Variants in DCLK1 observed in about 807,000 individuals in gnomAD.
DCLK1 encodes the protein doublecortin like kinase 1.
In DCLK1, 16 loss-of-function variants were observed where a neutral mutation model predicts 86.2. The observed-to-expected ratio is 0.19, with a 90% CI of 0.13 to 0.28. The LOEUF is 0.28. DCLK1 is among the 10% of genes least tolerant of loss of function. DCLK1 has a pLI of 1.00. For synonymous variants in DCLK1, 369 were observed against 370.5 expected (o/e 1.00, Z 0.05); for missense variants, 590 against 940.2 (o/e 0.63, Z 4.87).
intron 3 of DCLK1, among the ~76,000 whole-genome samples, chr13:36,050,632 T>A (rs888094474): frequency 6.6e-6 from 1 of 152,196 alleles, no homozygotes; most frequent in African/African-American, 2.4e-5. Context: ...ATTCGTTTTT[T>A]AAATGTGCTT....
intron 4 of DCLK1, among the ~76,000 whole-genome samples, chr13:35,920,114 T>C (rs1207769765): frequency 6.6e-6 from 1 of 152,214 alleles, no homozygotes; most frequent in Non-Finnish European, 1.5e-5. Flanking sequence ...CACTATTATA[T>C]ACCAAATAAA....
intron 4 of DCLK1, among the ~76,000 whole-genome samples, chr13:35,908,424 C>A (rs1566597125): frequency 1.3e-5 from 2 of 152,192 alleles, no homozygotes; most frequent in Admixed American, 6.5e-5. Context: ...TATGCTAATT[C>A]TTAACTAGTT....
chr13:35,826,298 C>T (rs11147589), intron 10 of DCLK1, among the ~76,000 whole-genome samples: 97,503 of 149,070 alleles, frequency 0.65, 33,491 homozygotes, highest in Non-Finnish European at 0.75. Flanking sequence ...CCGAGGTGGG[C>T]GGATCACCTG....
At chr13:35,965,456 C>T (rs1422249566) in intron 3 of DCLK1, among the ~76,000 whole-genome samples, 1 of 152,172 alleles carries the variant, frequency 6.6e-6, no homozygotes, top group Non-Finnish European at 1.5e-5. Flanking sequence ...TAGTGCCATG[C>T]TCTTTGTTAG....
intron 3 of DCLK1, among the ~76,000 whole-genome samples, chr13:35,968,539 G>A (rs904350446): frequency 6.6e-6 from 1 of 152,148 alleles, no homozygotes; most frequent in Non-Finnish European, 1.5e-5. Context: ...ACGGCAGAAA[G>A]TCAAATTAGC....
intron 3 of DCLK1, among the ~76,000 whole-genome samples, chr13:36,045,326 GTGTGTGTATATATATATATATA>G (rs1358482305): frequency 7.7e-4 from 47 of 60,932 alleles, no homozygotes; most frequent in African/African-American, 2.1e-3. Flanking sequence ...ATATGTGTGT[GTGTGTGTATATATATATATATA>G]TATATATATA....
chr13:36,044,998 T>C (rs1882825522), intron 3 of DCLK1, among the ~76,000 whole-genome samples: 1 of 151,740 alleles, frequency 6.6e-6, no homozygotes, highest in African/African-American at 2.4e-5. Flanking sequence ...CAAATAAAAA[T>C]AAATATATAC....
At chr13:35,833,348 C>T (rs142390637) in intron 8 of DCLK1, among the ~76,000 whole-genome samples, 41 of 152,284 alleles carry the variant, frequency 2.7e-4, no homozygotes, top group African/African-American at 9.4e-4. Flanking sequence ...ACATCACGCC[C>T]TCTACTTATG....
intron 4 of DCLK1, among the ~76,000 whole-genome samples, chr13:35,877,324 A>G (rs1486820046): frequency 6.6e-6 from 1 of 152,244 alleles, no homozygotes; most frequent in East Asian, 1.9e-4. Flanking sequence ...TCCTCCCCCC[A>G]CTCAGAAACA....
chr13:35,974,637 G>A (rs1879241669), intron 3 of DCLK1, among the ~76,000 whole-genome samples: 1 of 152,150 alleles, frequency 6.6e-6, no homozygotes, highest in South Asian at 2.1e-4. Context: ...CATGTAAAGT[G>A]TACCTGCTTC....
At chr13:35,787,026 T>C (rs2153098657) in intron 16 of DCLK1, among the ~76,000 whole-genome samples, 1 of 151,674 alleles carries the variant, frequency 6.6e-6, no homozygotes, top group East Asian at 1.9e-4. Context: ...ATGTTTTGAG[T>C]GTCTGATTAT....
At chr13:35,999,857 C>T (rs61948276) in intron 3 of DCLK1, among the ~76,000 whole-genome samples, 54,906 of 152,096 alleles carry the variant, frequency 0.36, 11,056 homozygotes, top group Non-Finnish European at 0.44. Context: ...TAATCCTAGA[C>T]TGTTGCTTAC....
intron 3 of DCLK1, among the ~76,000 whole-genome samples, chr13:35,975,174 T>A (rs979585578): frequency 2.6e-5 from 4 of 152,116 alleles, no homozygotes; most frequent in Non-Finnish European, 5.9e-5. Flanking sequence ...GCTGCCTAGA[T>A]CCAGGAGCAG....
At chr13:35,860,752 G>C (rs1379618283) in intron 5 of DCLK1, among the ~76,000 whole-genome samples, 1 of 152,182 alleles carries the variant, frequency 6.6e-6, no homozygotes, top group African/African-American at 2.4e-5. Flanking sequence ...TTACAACTGA[G>C]CAAGGTGGTG....
chr13:36,051,029 T>G (rs1221198766), intron 3 of DCLK1, among the ~76,000 whole-genome samples: 1 of 152,180 alleles, frequency 6.6e-6, no homozygotes, highest in African/African-American at 2.4e-5. Context: ...CTACAGAGGC[T>G]AAAACACATT....
At position 36,118,733 on chromosome 13, in the gene DCLK1, G is replaced by A. The variant is rs552672644; in HGVS notation, c.377-6518C>T. ...TGATGTTAAGTTATGTGATGTCTTA[G>A]TCCTTTGGCTGCTATAACAAAAGAC... On this transcript the variant is annotated intron_variant, in intron 2 of 16. Transcript: ENST00000360631. 2.2e-4 allele frequency among the ~76,000 whole-genome samples: 33 copies of A among 152,288 alleles called. 1 individual carries two copies. The South Asian group carries it at 5.4e-3, about 25-fold the overall frequency.
At chr13:36,047,300 C>T (rs1462980171) in intron 3 of DCLK1, among the ~76,000 whole-genome samples, 3 of 152,070 alleles carry the variant, frequency 2.0e-5, no homozygotes, top group African/African-American at 7.2e-5. Context: ...AAGATGGAAC[C>T]ACCCTACTAT....
intron 3 of DCLK1, among the ~76,000 whole-genome samples, chr13:36,089,363 C>T (rs1188290101): frequency 6.6e-6 from 1 of 152,212 alleles, no homozygotes; most frequent in Non-Finnish European, 1.5e-5. Context: ...TGAACAGAAG[C>T]ACAGGCTTTC....
intron 15 of DCLK1, among the ~76,000 whole-genome samples, chr13:35,803,408 T>C (rs1566540621): frequency 6.6e-6 from 1 of 152,182 alleles, no homozygotes; most frequent in Non-Finnish European, 1.5e-5. Context: ...CCTAGGGCCA[T>C]GGGGATTACT....
Sources: gnomAD v4.1 joint callset for allele counts (sites outside exome capture counted in the v4.1 genomes callset) on GRCh38, gnomAD v4.1.1 for gene constraint, MANE v1.5 for transcripts, NCBI Gene and HGNC (gene_info 2026-07-23, HGNC 2026-07-21) for gene names.